Variants in SYNM observed in about 807,000 individuals in gnomAD.
The protein encoded by SYNM is synemin, also known as desmuslin.
In SYNM, 95 loss-of-function variants were observed where a neutral mutation model predicts 104.0. The ratio of observed to expected loss-of-function variants is 0.91; its 90% CI spans 0.77 to 1.08. SYNM has a LOEUF of 1.08. Among genes scored for constraint, SYNM ranks in the 50% least tolerant of loss-of-function variants. The pLI is 0.00. For synonymous variants in SYNM, 918 were observed against 869.0 expected, an observed-to-expected ratio of 1.06 and a Z score of -0.99; for missense variants, 2,150 against 2,052.2, an observed-to-expected ratio of 1.05 and a Z score of -0.92.
chr15:99,132,776 C>G lies in SYNM; in HGVS notation c.4416C>G (p.Ile1472Met), dbSNP rs78137704. The G allele has an allele frequency of 3.7e-5, 60 of 1,613,926 alleles. 1 individual carries two copies. The East Asian group carries it at 6.0e-4, about 16-fold the overall frequency. The change falls in exon 4 of 4, where the codon ATC becomes ATG. Residue 1472 changes from isoleucine to methionine, a missense_variant. Coordinates refer to ENST00000336292, the MANE Select transcript of SYNM (RefSeq NM_145728.3). ...TGGATGTGAGTAACGTAGAGGCGAT[C>G]CGCAGCCGGACACAGGAAGCGGGAG... ...FQMDVSNVEAIRSRTQEAGAL... is the reference protein window; with the variant it reads ...FQMDVSNVEAMRSRTQEAGAL...
At chr15:99,112,851 C>G (rs2067311815) in intron 1 of SYNM, among the ~76,000 whole-genome samples, 1 of 152,124 alleles carries the variant, frequency 6.6e-6, no homozygotes, top group Non-Finnish European at 1.5e-5. Context: ...GCTGGGATTA[C>G]AGGTCTGCGC....
chr15:99,135,311 A>G lies in SYNM; in HGVS notation c.*2253A>G, dbSNP rs1193165012. On this transcript the variant is annotated 3_prime_UTR_variant, in exon 4 of 4. Transcript: ENST00000336292. ...ACTGTGACATTGTGACATTGTGACA[A>G]GCTCCATGTCCTTTAAAATCAGTCA... 7 of 152,636 alleles carry G rather than the reference A, an allele frequency of 4.6e-5. No homozygotes were observed. Among genetic ancestry groups the G allele is most frequent in the African/African-American group, 1.7e-4 (7 of 41,438 alleles). The allele number at this position is 152,636 out of a possible 1,614,324, so 9.5% of individuals were successfully genotyped here.
intron 2 of SYNM, among the ~76,000 whole-genome samples, chr15:99,120,459 C>G (rs11247059): frequency 0.24 from 36,109 of 152,204 alleles, 4,434 homozygotes; most frequent in East Asian, 0.33. Context: ...GTATTTATGA[C>G]AGTGCCCGTC....
Position 99,130,715 on chromosome 15 carries a change from G to A in SYNM, c.2355G>A (p.Lys785=), listed in dbSNP as rs1555485657. 1.9e-6 allele frequency: 3 copies of A among 1,609,998 alleles called. No homozygotes were observed. The African/African-American group carries it at 4.0e-5, about 21-fold the overall frequency. The stretch of plus-strand genomic sequence containing the variant: ...CGCCAGGCCCCTGGGGGTTGGTTAA[G>A]GAGGAGGAAGGTTATGGAGAAAGCG... The part of the protein sequence containing the change: ...DVSPGPWGLV[K]EEEGYGESDV... Residue 785 remains lysine, a synonymous_variant, in exon 4 of 4, where the codon AAG becomes AAA. Transcript: ENST00000336292.
chr15:99,125,873 G>A (rs139249488), intron 2 of SYNM, among the ~76,000 whole-genome samples: 4 of 152,304 alleles, frequency 2.6e-5, no homozygotes, highest in African/African-American at 9.6e-5. Flanking sequence ...CAGGCATCCC[G>A]GTGCTAAGCC....
At position 99,130,771 on chromosome 15, in the gene SYNM, G is replaced by A. The variant is rs529454589; in HGVS notation, c.2411G>A (p.Arg804Lys). ...DVTFSVNQHR[R>K]TKQPQENTTH... is the part of the protein sequence containing the mutation. ...ACATTCTCAGTTAATCAGCATCGAA[G>A]GACCAAGCAGCCTCAGGAGAACACG... The change falls in exon 4 of 4, where the codon AGG becomes AAG. Residue 804 changes from arginine to lysine, a missense_variant. Physicochemically the swap from Arg to Lys is conservative, Grantham distance 26 (BLOSUM62 2). Coordinates refer to ENST00000336292, the MANE Select transcript of SYNM (RefSeq NM_145728.3). 1 of 1,613,982 alleles carries A rather than the reference G, an allele frequency of 6.2e-7. No homozygotes were observed. The highest frequency in any genetic ancestry group is 1.3e-5 in the African/African-American group (1 of 75,030).
Position 99,129,377 on chromosome 15 carries a change from C to G in SYNM, c.1017C>G (p.Asn339Lys). 6.2e-7 allele frequency: 1 copy of G among 1,610,484 alleles called. No homozygotes were observed. Among genetic ancestry groups the G allele is most frequent in the Non-Finnish European group, 8.5e-7 (1 of 1,177,142 alleles). The part of the protein sequence containing the change: ...HVENMPSEFR[N>K]KSYHYTDSLL... ...GTTCAATTTCTACAGAATTCAGAAA[C>G]AAATCCTATCACTATACCGACTCAC... The change falls in exon 4 of 4, where the codon AAC becomes AAG. Residue 339 changes from asparagine to lysine, a missense_variant. Coordinates refer to ENST00000336292, the MANE Select transcript of SYNM (RefSeq NM_145728.3).
In SYNM at chr15:99,105,257, G is replaced by T; in HGVS notation, c.58G>T (p.Ala20Ser). The T allele has an allele frequency of 1.9e-6, 3 of 1,566,808 alleles. No homozygotes were observed. Among genetic ancestry groups the T allele is most frequent in the South Asian group, 2.3e-5 (2 of 85,426 alleles). ...PEKAELQELN[A>S]RLYDYVCRVR... ...GAAGGCCGAGCTCCAGGAGCTCAAC[G>T]CCCGGCTCTATGACTACGTGTGTCG... is the stretch of plus-strand genomic sequence containing the variant. The change falls in exon 1 of 4, where the codon GCC (alanine) becomes TCC (serine). Residue 20 changes from alanine to serine, a missense_variant. Physicochemically the swap from Ala to Ser is moderately conservative, Grantham distance 99. Coordinates refer to ENST00000336292, the MANE Select transcript of SYNM (RefSeq NM_145728.3).
rs1282014065 is a variant in SYNM, at chr15:99,131,415, C to G, written c.3055C>G (p.Leu1019Val). Reference protein sequence around the residue: ...VDADRLDLEELSKDEASEMEK... With the variant: ...VDADRLDLEEVSKDEASEMEK... ...TGCCGATCGGTTAGACCTGGAGGAG[C>G]TGAGCAAAGATGAGGCCAGTGAGAT... Residue 1019 changes from leucine (L) to valine (V), a missense_variant, in exon 4 of 4, where the codon CTG becomes GTG. Transcript: ENST00000336292. The surrounding 1 kb of genome is among the most constrained non-coding windows in gnomAD (Gnocchi z 4.3). The G allele has an allele frequency of 5.0e-6, 8 of 1,611,310 alleles. No individual in the cohort carries two copies. The Admixed American group carries it at 1.3e-4, about 27-fold the overall frequency.
intron 2 of SYNM, among the ~76,000 whole-genome samples, chr15:99,122,030 T>A (rs1233050060): frequency 6.6e-6 from 1 of 152,142 alleles, no homozygotes; most frequent in Non-Finnish European, 1.5e-5. Flanking sequence ...AGTAGAAAAA[T>A]CGAAGGAGGC....
Position 99,105,939 on chromosome 15 carries a change from T to C in SYNM, c.740T>C (p.Leu247Pro), listed in dbSNP as rs571341865. The change falls in exon 1 of 4, where the codon CTG (leucine) becomes CCG (proline). Residue 247 changes from leucine (L) to proline (P), a missense_variant. Coordinates refer to ENST00000336292, the MANE Select transcript of SYNM (RefSeq NM_145728.3). ...CGCGAGGCGCTCGGGTTGGAGCAGC[T>C]GCGCGCGCGGCTGGAGGACGCGCTG... ...LRREALGLEQLRARLEDALLR... is the reference protein window; with the variant it reads ...LRREALGLEQPRARLEDALLR... 4 of 1,525,120 alleles carry C rather than the reference T, an allele frequency of 2.6e-6. No homozygotes were observed. In the South Asian group the frequency reaches 4.9e-5, roughly 19 times the overall value. 94.5% of individuals were successfully genotyped at this position (1,525,120 alleles called of 1,614,324 possible). A position where few individuals can be genotyped will look rare whatever the true frequency, so the allele number is the denominator to read the frequency against.
At chr15:99,116,091 A>G (rs1555483907) in intron 2 of SYNM, among the ~76,000 whole-genome samples, 1 of 152,242 alleles carries the variant, frequency 6.6e-6, no homozygotes, top group Non-Finnish European at 1.5e-5. Context: ...GGCTAAGGCC[A>G]TGAGGGCCTT....
intron 2 of SYNM, among the ~76,000 whole-genome samples, chr15:99,120,420 G>C (rs59657173): frequency 0.011 from 1,607 of 152,280 alleles, 39 homozygotes; most frequent in African/African-American, 0.037. Flanking sequence ...GAATGGCCAG[G>C]GGGAGGCCCT....
intron 1 of SYNM, among the ~76,000 whole-genome samples, chr15:99,110,963 C>A (rs547701313): frequency 6.6e-6 from 1 of 152,208 alleles, no homozygotes; most frequent in Non-Finnish European, 1.5e-5. Flanking sequence ...TCTGCAGAGA[C>A]CACTGGGAGC....
intron 2 of SYNM, among the ~76,000 whole-genome samples, chr15:99,119,314 T>G (rs2067378639): frequency 1.3e-5 from 2 of 152,158 alleles, no homozygotes; most frequent in South Asian, 4.1e-4. Context: ...TTGTGAGGCA[T>G]TGCAAGTTTG....
chr15:99,130,832 A>G lies in SYNM; in HGVS notation c.2472A>G (p.Ser824=), dbSNP rs2067495242. ...AAGAAGTGACAGAGGCAGGTGATTC[A>G]GAGGGCGAGCAGAGTTATTTTGTGT... The part of the protein sequence containing the change: ...HVEEVTEAGD[S]EGEQSYFVST... Residue 824 remains serine, a synonymous_variant, in exon 4 of 4, where the codon TCA becomes TCG. Transcript: ENST00000336292. The G allele has an allele frequency of 6.2e-7, 1 of 1,613,934 alleles. No individual in the cohort carries two copies. Among genetic ancestry groups the G allele is most frequent in the Admixed American group, 1.7e-5 (1 of 60,014 alleles).
chr15:99,134,578 T>C lies in SYNM; in HGVS notation c.*1520T>C, dbSNP rs1209055423. Reference sequence around the variant, plus strand: ...TGTGGCGCACTGGGGAATAACAGTCTGAGCTAGCACCACCCTCAGCCAGGC... The same window carrying C: ...TGTGGCGCACTGGGGAATAACAGTCCGAGCTAGCACCACCCTCAGCCAGGC... On this transcript the variant is annotated 3_prime_UTR_variant, in exon 4 of 4. Transcript: ENST00000336292. The C allele has an allele frequency of 6.6e-6, 1 of 152,200 alleles. No individual in the cohort carries two copies. Among genetic ancestry groups the C allele is most frequent in the African/African-American group, 2.4e-5 (1 of 41,446 alleles). The allele number at this position is 152,200 out of a possible 1,614,324, so 9.4% of individuals were successfully genotyped here.
chr15:99,110,831 C>T (rs187812139), intron 1 of SYNM, among the ~76,000 whole-genome samples: 134 of 152,304 alleles, frequency 8.8e-4, no homozygotes, highest in Admixed American at 1.7e-3. Context: ...TGCCTCTGCT[C>T]GGGTGAGATG....
chr15:99,111,849 A>G (rs1480012793), intron 1 of SYNM, among the ~76,000 whole-genome samples: 6 of 152,228 alleles, frequency 3.9e-5, no homozygotes, highest in Non-Finnish European at 5.9e-5. Flanking sequence ...GTTCAAGACC[A>G]TCCTGGCCAA....
Sources: gnomAD v4.1 joint callset for allele counts (sites outside exome capture counted in the v4.1 genomes callset) on GRCh38, gnomAD v4.1.1 for gene constraint, Gnocchi (gnomAD v3.1) non-coding constraint, MANE v1.5 for transcripts, NCBI Gene and HGNC (gene_info 2026-07-23, HGNC 2026-07-21) for gene names.